Variants in PCDH15 observed in about 807,000 individuals in gnomAD.
The protein encoded by PCDH15 is protocadherin-15.
A neutral mutation model predicts 178.5 loss-of-function variants in PCDH15; 129 were observed. That is an observed-to-expected ratio of 0.72 (90% CI 0.63 to 0.84). PCDH15 has a LOEUF of 0.84. PCDH15 is among the 40% of genes least tolerant of loss of function. The probability of loss-of-function intolerance (pLI) is 0.00; values close to 1 mark genes in which losing one functional copy is unlikely to be tolerated. For missense variants in PCDH15, 2,230 were observed against 2,099.9 expected (o/e 1.06, Z -1.21); for synonymous variants, 800 against 732.0 (o/e 1.09, Z -1.50).
At chr10:54,012,557 A>G (rs545945965) in intron 20 of PCDH15, among the ~76,000 whole-genome samples, 1 of 152,276 alleles carries the variant, frequency 6.6e-6, no homozygotes, top group East Asian at 1.9e-4. Flanking sequence ...AAAGAGCAGG[A>G]AACCTACAAA....
At position 55,049,226 on chromosome 10, in the gene PCDH15, T is replaced by C. The variant is rs1190345310; in HGVS notation, c.-80+117350A>G. ...GTGAATTGCAAAATAAGTTCTAATA[T>C]AGCACTGAAAATAATGGCTTTTATA... On this transcript the variant is annotated intron_variant, in intron 2 of 5. Coordinates refer to the PCDH15 transcript ENST00000458638. 3.3e-5 allele frequency among the ~76,000 whole-genome samples: 5 copies of C among 151,938 alleles called. No homozygotes were observed. The East Asian group carries it at 7.7e-4, about 23-fold the overall frequency.
intron 1 of PCDH15, among the ~76,000 whole-genome samples, chr10:54,704,051 T>G (rs1011968073): frequency 7.2e-5 from 11 of 152,084 alleles, no homozygotes; most frequent in African/African-American, 2.2e-4. Flanking sequence ...TGGCTAGCCA[T>G]GTGCAGAAGA....
At chr10:54,782,331 C>A (rs182991563) in intron 1 of PCDH15, among the ~76,000 whole-genome samples, 28 of 152,160 alleles carry the variant, frequency 1.8e-4, no homozygotes, top group Non-Finnish European at 3.4e-4. Flanking sequence ...ACTCTGTGAG[C>A]CTCAGTTTCT....
chr10:55,450,960 T>TAC (rs1839422536), intron 2 of PCDH15, among the ~76,000 whole-genome samples: 1 of 61,846 alleles, frequency 1.6e-5, no homozygotes, highest in Non-Finnish European at 3.6e-5. Flanking sequence ...AAGAACTATA[T>TAC]ATATATATAT....
intron 3 of PCDH15, among the ~76,000 whole-genome samples, chr10:54,413,680 AT>A (rs1343788445): frequency 2.6e-5 from 4 of 152,216 alleles, no homozygotes; most frequent in Non-Finnish European, 5.9e-5. Context: ...ATATTAAAAA[AT>A]GTTTAACTTT....
At chr10:54,876,834 A>C (rs1466171358) in intron 3 of PCDH15, among the ~76,000 whole-genome samples, 1 of 152,182 alleles carries the variant, frequency 6.6e-6, no homozygotes, top group East Asian at 1.9e-4. Context: ...ATAAGAAAGG[A>C]TTGAGAATAT....
intron 2 of PCDH15, among the ~76,000 whole-genome samples, chr10:54,969,347 T>C (rs1174135453): frequency 6.6e-6 from 1 of 152,138 alleles, no homozygotes; most frequent in Admixed American, 6.6e-5. Flanking sequence ...CACTACTAAG[T>C]CAGACTCCGT....
intron 5 of PCDH15, among the ~76,000 whole-genome samples, chr10:54,363,690 T>C (rs1946386133): frequency 6.6e-6 from 1 of 152,184 alleles, no homozygotes; most frequent in South Asian, 2.1e-4. Flanking sequence ...ACAAAATAAC[T>C]AATGTAATTG....
chr10:54,333,922 G>A (rs1940442580), intron 6 of PCDH15, among the ~76,000 whole-genome samples: 1 of 152,078 alleles, frequency 6.6e-6, no homozygotes, highest in Admixed American at 6.6e-5. Flanking sequence ...CCACCAATGA[G>A]GCAGAAAAGT....
At chr10:54,814,804 C>A (rs1398654762) in intron 3 of PCDH15, among the ~76,000 whole-genome samples, 2 of 152,144 alleles carry the variant, frequency 1.3e-5, no homozygotes, top group Non-Finnish European at 2.9e-5. Context: ...GCGTTCCAAT[C>A]ATGGAACACT....
chr10:54,255,444 T>C (rs1427729993), intron 8 of PCDH15, among the ~76,000 whole-genome samples: 2 of 152,184 alleles, frequency 1.3e-5, no homozygotes, highest in Non-Finnish European at 2.9e-5. Context: ...ATTATGCTCT[T>C]GTGATGAAGT....
At chr10:55,251,837 T>C (rs1247549382) in intron 1 of PCDH15, among the ~76,000 whole-genome samples, 6 of 152,128 alleles carry the variant, frequency 3.9e-5, no homozygotes, top group Non-Finnish European at 8.8e-5. Flanking sequence ...ACAATACATG[T>C]CCAAAGACAG....
intron 25 of PCDH15, among the ~76,000 whole-genome samples, chr10:53,905,450 C>T (rs2082613061): frequency 1.3e-5 from 2 of 152,190 alleles, no homozygotes; most frequent in South Asian, 2.1e-4. Flanking sequence ...TCTCCTGCCT[C>T]AGCGTCCCTA....
At chr10:54,981,996 C>T in intron 2 of PCDH15, among the ~76,000 whole-genome samples, 1 of 151,424 alleles carries the variant, frequency 6.6e-6, no homozygotes. Flanking sequence ...TCTCAAACTT[C>T]TAGGCTCAAG....
intron 15 of PCDH15, among the ~76,000 whole-genome samples, chr10:54,124,719 C>T (rs1283196984): frequency 1.3e-5 from 2 of 152,138 alleles, no homozygotes; most frequent in Admixed American, 1.3e-4. Flanking sequence ...AGCTGTGAAA[C>T]ATTCATGAAT....
intron 2 of PCDH15, among the ~76,000 whole-genome samples, chr10:55,604,423 C>G (rs1843160170): frequency 6.6e-6 from 1 of 151,976 alleles, no homozygotes; most frequent in Non-Finnish European, 1.5e-5. Flanking sequence ...ACTCTCCACC[C>G]CATATCAACG....
intron 1 of PCDH15, among the ~76,000 whole-genome samples, chr10:55,307,164 T>C (rs914817489): frequency 2.6e-5 from 4 of 152,030 alleles, no homozygotes; most frequent in Non-Finnish European, 5.9e-5. Context: ...TTAAAAATTA[T>C]ATAAGGTATA....
At chr10:54,172,841 A>C (rs2133650873) in intron 13 of PCDH15, among the ~76,000 whole-genome samples, 1 of 152,338 alleles carries the variant, frequency 6.6e-6, no homozygotes, top group East Asian at 1.9e-4. Flanking sequence ...AATTATTGAA[A>C]CCGGACCATG....
At chr10:54,667,513 CTG>C (rs2094590207) in intron 1 of PCDH15, among the ~76,000 whole-genome samples, 1 of 152,022 alleles carries the variant, frequency 6.6e-6, no homozygotes, top group African/African-American at 2.4e-5. Flanking sequence ...AGACAAAAGA[CTG>C]TTTTTGTTAC....
Sources: gnomAD v4.1 joint callset for allele counts (sites outside exome capture counted in the v4.1 genomes callset) on GRCh38, gnomAD v4.1.1 for gene constraint, MANE v1.5 for transcripts, NCBI Gene and HGNC (gene_info 2026-07-23, HGNC 2026-07-21) for gene names.